CACNA2D2: variants seen among roughly 807,000 people sequenced by gnomAD.
The protein encoded by CACNA2D2 is calcium voltage-gated channel auxiliary subunit alpha2delta 2.
In CACNA2D2, 48 loss-of-function variants were observed where a neutral mutation model predicts 166.4. The ratio of observed to expected loss-of-function variants is 0.29; its 90% CI spans 0.23 to 0.37. The LOEUF is 0.37. Ranked by LOEUF, CACNA2D2 falls within the 10% of genes least tolerant of loss-of-function variation. The pLI is 1.00. For synonymous variants in CACNA2D2, 561 were observed against 573.7 expected (o/e 0.98, Z 0.32); for missense variants, 1,122 against 1,433.0 (o/e 0.78, Z 3.50).
intron 2 of CACNA2D2, among the ~76,000 whole-genome samples, chr3:50,435,300 C>G (rs1041336601): frequency 6.6e-6 from 1 of 150,602 alleles, no homozygotes; most frequent in African/African-American, 2.5e-5. Context: ...TGGGTGTGTG[C>G]GTGTGCGTGT....
At chr3:50,483,595 TAGC>T (rs1383708898) in intron 1 of CACNA2D2, among the ~76,000 whole-genome samples, 6 of 152,156 alleles carry the variant, frequency 3.9e-5, no homozygotes, top group Non-Finnish European at 8.8e-5. Context: ...TATTTACTCA[TAGC>T]AGCCTGCTGG....
rs1234564925 is a variant in CACNA2D2 at position 50,376,201 on chromosome 3, A to G, written c.1627-13T>C. 6.2e-7 allele frequency: 1 copy of G among 1,612,630 alleles called. No individual in the cohort carries two copies. The highest frequency in any genetic ancestry group is 8.5e-7 in the Non-Finnish European group (1 of 1,179,674). ...CGTTGGCTCCAAGCTGGAGGCACAG[A>G]TTGGGGGCTCAGGGTCTGGAGGGAT... On this transcript the variant is annotated splice_polypyrimidine_tract_variant and intron_variant, in intron 17 of 37. Coordinates refer to ENST00000424201, the MANE Select transcript of CACNA2D2 (RefSeq NM_006030.4). This position sits in a 1 kb window ranked among gnomAD's most constrained non-coding sequence, Gnocchi z 4.3.
intron 4 of CACNA2D2, among the ~76,000 whole-genome samples, chr3:50,389,262 TA>T (rs1705767717): frequency 6.6e-6 from 1 of 152,116 alleles, no homozygotes; most frequent in Admixed American, 6.5e-5. Context: ...TCAAACACAA[TA>T]AGGAGTTTCA....
At chr3:50,494,377 A>C (rs1698642107) in intron 1 of CACNA2D2, among the ~76,000 whole-genome samples, 1 of 152,174 alleles carries the variant, frequency 6.6e-6, no homozygotes, top group South Asian at 2.1e-4. Flanking sequence ...GGGCTGTGGA[A>C]GGAAGTGATC....
intron 1 of CACNA2D2, among the ~76,000 whole-genome samples, chr3:50,498,836 T>A (rs1383852069): frequency 2.0e-5 from 3 of 152,256 alleles, no homozygotes; most frequent in Non-Finnish European, 4.4e-5. Flanking sequence ...ACTGCCCAGA[T>A]GTCCCCAGCC....
intron 3 of CACNA2D2, among the ~76,000 whole-genome samples, chr3:50,395,433 G>T (rs541285440): frequency 1.3e-5 from 2 of 152,278 alleles, no homozygotes; most frequent in East Asian, 3.9e-4. Context: ...GGCCCACCAT[G>T]CTCAGTGAGG....
intron 3 of CACNA2D2, among the ~76,000 whole-genome samples, 174 bp downstream of exon 3, chr3:50,434,139 C>G (rs1447109677): frequency 1.3e-5 from 2 of 152,206 alleles, no homozygotes; most frequent in African/African-American, 4.8e-5. Context: ...TAGTATCATC[C>G]TGTTCCTGCC....
chr3:50,366,915 C>G lies in CACNA2D2; in HGVS notation c.2505G>C (p.Val835=). 6.2e-7 allele frequency: 1 copy of G among 1,613,768 alleles called. No individual in the cohort carries two copies. Among genetic ancestry groups the G allele is most frequent in the Non-Finnish European group, 8.5e-7 (1 of 1,180,032 alleles). Residue 835 remains valine, a synonymous_variant, in exon 29 of 38, where the codon GTG becomes GTC. Coordinates refer to ENST00000424201, the MANE Select transcript of CACNA2D2 (RefSeq NM_006030.4). The surrounding 1 kb of genome is among the most constrained non-coding windows in gnomAD (Gnocchi z 5.9). ...AAGCCTCTAGGTCCAGCTTGACGCC[C>G]ACCACTTTGGGGGAGAGCAAGGGAC... The part of the protein sequence containing the change: ...LGRRTLRPAV[V]GVKLDLEAWA...
Position 50,434,400 on chromosome 3 carries a change from C to T in CACNA2D2, c.318G>A (p.Glu106=), listed in dbSNP as rs777922331. 1 of 1,614,134 alleles carries T rather than the reference C, an allele frequency of 6.2e-7. No individual in the cohort carries two copies. Among genetic ancestry groups the T allele is most frequent in the African/African-American group, 1.3e-5 (1 of 75,048 alleles). Residue 106 remains glutamate, a synonymous_variant, in exon 3 of 38, where the codon GAG becomes GAA. Coordinates refer to ENST00000424201, the MANE Select transcript of CACNA2D2 (RefSeq NM_006030.4). Reference sequence around the variant, plus strand: ...ACTTCTGAGGCTCATTCTCCTGTACCTCGAACAGGTTCCGGTTGTCCTTGT... The same window carrying T: ...ACTTCTGAGGCTCATTCTCCTGTACTTCGAACAGGTTCCGGTTGTCCTTGT... The part of the protein sequence containing the change: ...EIYKDNRNLF[E]VQENEPQKLV...
intron 2 of CACNA2D2, among the ~76,000 whole-genome samples, chr3:50,440,008 G>C (rs762125091): frequency 1.3e-5 from 2 of 152,224 alleles, no homozygotes; most frequent in Admixed American, 6.5e-5. Flanking sequence ...TTGAAGACTG[G>C]AGAGTTGATG....
intron 4 of CACNA2D2, among the ~76,000 whole-genome samples, chr3:50,388,610 C>G (rs369511997): frequency 6.6e-6 from 1 of 152,232 alleles, no homozygotes; most frequent in Non-Finnish European, 1.5e-5. Flanking sequence ...AGCACTCACA[C>G]CACCAGCGCA....
At chr3:50,372,986 G>T in intron 22 of CACNA2D2, 1 of 1,199,654 alleles carries the variant, frequency 8.3e-7, no homozygotes, top group Non-Finnish European at 1.2e-6. Flanking sequence ...GCTGGTCCTG[G>T]GCAGGGAGGG....
In CACNA2D2 at chr3:50,379,529, T is replaced by C; in HGVS notation, c.1055A>G (p.Asn352Ser). 2 of 1,614,018 alleles carry C rather than the reference T, an allele frequency of 1.2e-6. No homozygotes were observed. Among genetic ancestry groups the C allele is most frequent in the Non-Finnish European group, 1.7e-6 (2 of 1,180,034 alleles). Reference protein sequence around the residue: ...FTHLVQANVRNKKVFKEAVQG... With the variant: ...FTHLVQANVRSKKVFKEAVQG... ...CACAGCTTCCTTGAACACCTTCTTG[T>C]TGCGCACATTGGCCTGCACCAGGTG... The change falls in exon 11 of 38, where the codon AAC (asparagine) becomes AGC (serine). Residue 352 changes from asparagine to serine, a missense_variant. Transcript: ENST00000424201. This position sits in a 1 kb window ranked among gnomAD's most constrained non-coding sequence, Gnocchi z 6.5.
chr3:50,414,701 C>T (rs7626470), intron 3 of CACNA2D2, among the ~76,000 whole-genome samples: 14,548 of 152,314 alleles, frequency 0.096, 2,025 homozygotes, highest in African/African-American at 0.31. Flanking sequence ...CTCTACAAAA[C>T]GCTGGCCCGA....
At chr3:50,452,519 G>A (rs1235580526) in intron 2 of CACNA2D2, among the ~76,000 whole-genome samples, 1 of 152,216 alleles carries the variant, frequency 6.6e-6, no homozygotes, top group African/African-American at 2.4e-5. Flanking sequence ...GAACCAGCTT[G>A]GGATACCTGT....
Position 50,365,794 on chromosome 3 carries a change from C to G in CACNA2D2, c.2915+16G>C. 1 of 1,613,476 alleles carries G rather than the reference C, an allele frequency of 6.2e-7. No homozygotes were observed. The highest frequency in any genetic ancestry group is 8.5e-7 in the Non-Finnish European group (1 of 1,179,980). ...CAGGGAGCACCTTCTCTACCCACCT[C>G]CCGCTCAGGACTCACCAGGCGGCAG... On this transcript the variant is annotated intron_variant, in intron 33 of 37. Transcript: ENST00000424201. This position sits in a 1 kb window ranked among gnomAD's most constrained non-coding sequence, Gnocchi z 4.5.
At chr3:50,417,802 C>T (rs1707333491) in intron 3 of CACNA2D2, among the ~76,000 whole-genome samples, 1 of 152,176 alleles carries the variant, frequency 6.6e-6, no homozygotes, top group Non-Finnish European at 1.5e-5. Context: ...ACTTTGCTTC[C>T]TGCCTGGCCC....
intron 1 of CACNA2D2, among the ~76,000 whole-genome samples, chr3:50,493,348 G>A (rs201968531): frequency 6.6e-6 from 1 of 152,264 alleles, no homozygotes; most frequent in East Asian, 1.9e-4. Context: ...CAGCCAATGA[G>A]ATGTGAGAGG....
intron 3 of CACNA2D2, among the ~76,000 whole-genome samples, chr3:50,430,942 T>G (rs992668069): frequency 6.6e-6 from 1 of 152,096 alleles, no homozygotes; most frequent in African/African-American, 2.4e-5. Flanking sequence ...TCTGGCCTGC[T>G]CCCTCCTGAC....
Sources: allele counts gnomAD v4.1 joint callset (sites outside exome capture counted in the v4.1 genomes callset), GRCh38; gene constraint gnomAD v4.1.1; non-coding constraint Gnocchi (gnomAD v3.1); transcripts MANE v1.5; gene names NCBI Gene and HGNC (gene_info 2026-07-23, HGNC 2026-07-21).